The following CNOT6L variants were observed in gnomAD, a reference collection of about 807,000 sequenced individuals.
CNOT6L encodes the protein CCR4-NOT transcription complex subunit 6 like.
CNOT6L carries 7 observed loss-of-function variants against 64.0 expected under a neutral mutation model. The observed-to-expected ratio is 0.11, with a 90% CI of 0.06 to 0.21. The LOEUF is 0.21. Among genes scored for constraint, CNOT6L ranks in the 10% least tolerant of loss-of-function variants. CNOT6L has a pLI of 1.00. For synonymous variants in CNOT6L, 193 were observed against 243.4 expected, an observed-to-expected ratio of 0.79 and a Z score of 1.93; for missense variants, 245 against 669.0, an observed-to-expected ratio of 0.37 and a Z score of 6.99.
intron 4 of CNOT6L, among the ~76,000 whole-genome samples, chr4:77,772,042 G>A (rs551295487): frequency 2.0e-5 from 3 of 152,282 alleles, no homozygotes; most frequent in Middle Eastern, 3.4e-3. Flanking sequence ...CAAATTAACT[G>A]AGAAAGATGG....
intron 6 of CNOT6L, among the ~76,000 whole-genome samples, chr4:77,745,411 A>G (rs1724077413): frequency 2.6e-5 from 4 of 152,292 alleles, no homozygotes; most frequent in African/African-American, 9.6e-5. Flanking sequence ...ATGTCCTTTA[A>G]CTATAAAAAG....
chr4:77,774,740 TAA>T, intron 2 of CNOT6L, 24 bp from the exon 3 acceptor site: 1 of 1,453,596 alleles, frequency 6.9e-7, no homozygotes, highest in Admixed American at 2.7e-5. Context: ...TACTGAAGTG[TAA>T]AAAAAAACCC....
intron 4 of CNOT6L, among the ~76,000 whole-genome samples, chr4:77,758,553 T>C (rs949372467): frequency 1.3e-5 from 2 of 152,226 alleles, no homozygotes; most frequent in African/African-American, 4.8e-5. Context: ...ATTGAGGTTA[T>C]AGGACAAACT....
intron 1 of CNOT6L, among the ~76,000 whole-genome samples, chr4:77,798,602 C>T (rs1480434863): frequency 6.6e-6 from 1 of 152,122 alleles, no homozygotes; most frequent in African/African-American, 2.4e-5. Flanking sequence ...TTTTAAAAAA[C>T]CGAGCCAAGA....
At chr4:77,783,346 G>A (rs1405703682) in intron 1 of CNOT6L, among the ~76,000 whole-genome samples, 1 of 152,152 alleles carries the variant, frequency 6.6e-6, no homozygotes, top group Non-Finnish European at 1.5e-5. Context: ...TGAACAAGTT[G>A]GACATTGTCC....
intron 1 of CNOT6L, among the ~76,000 whole-genome samples, chr4:77,786,962 A>G (rs1443498776): frequency 1.3e-5 from 2 of 152,078 alleles, no homozygotes; most frequent in South Asian, 2.1e-4. Flanking sequence ...TTTGCCATCC[A>G]TAAGAGTCTA....
intron 1 of CNOT6L, among the ~76,000 whole-genome samples, chr4:77,810,490 C>T (rs1201278637): frequency 5.9e-5 from 9 of 152,064 alleles, no homozygotes; most frequent in Admixed American, 5.2e-4. Flanking sequence ...CCCAATATGG[C>T]AAAGGTTTGC....
chr4:77,814,557 C>T (rs1004429199), intron 1 of CNOT6L, among the ~76,000 whole-genome samples: 1 of 152,144 alleles, frequency 6.6e-6, no homozygotes, highest in Non-Finnish European at 1.5e-5. Flanking sequence ...AACTATAAGC[C>T]TCTACATCTT....
intron 1 of CNOT6L, among the ~76,000 whole-genome samples, chr4:77,809,845 A>G (rs1370838027): frequency 3.3e-5 from 5 of 152,136 alleles, no homozygotes; most frequent in Admixed American, 6.5e-5. Flanking sequence ...TCTCTCTGCA[A>G]AAGATGAATA....
intron 9 of CNOT6L, among the ~76,000 whole-genome samples, chr4:77,729,786 CT>C (rs1722242466): frequency 6.6e-6 from 1 of 151,184 alleles, no homozygotes; most frequent in Non-Finnish European, 1.5e-5. Context: ...TTTTTTAATT[CT>C]GTTAAAATAA....
chr4:77,818,764 C>G (rs1733872303), intron 1 of CNOT6L, among the ~76,000 whole-genome samples: 1 of 151,966 alleles, frequency 6.6e-6, no homozygotes, highest in African/African-American at 2.4e-5. Flanking sequence ...CTCGCGCGGG[C>G]TCGCCGTCCC....
chr4:77,722,490 G>A (rs149193577), intron 11 of CNOT6L, among the ~76,000 whole-genome samples: 66 of 152,222 alleles, frequency 4.3e-4, no homozygotes, highest in Non-Finnish European at 8.1e-4. Flanking sequence ...TTTAACCTGG[G>A]AGGCAGAGGT....
intron 1 of CNOT6L, among the ~76,000 whole-genome samples, chr4:77,813,064 T>G (rs1427717169): frequency 1.3e-5 from 2 of 151,970 alleles, no homozygotes; most frequent in Non-Finnish European, 2.9e-5. Flanking sequence ...TTAATTAATT[T>G]TGGACAGGGG....
chr4:77,811,916 T>C (rs577759397), intron 1 of CNOT6L, among the ~76,000 whole-genome samples: 191 of 151,624 alleles, frequency 1.3e-3, no homozygotes, highest in South Asian at 0.01. Flanking sequence ...ATCTACTTAA[T>C]GGCAGAAGAT....
At chr4:77,767,062 CAAAAAAAAAAAAA>C (rs56926683) in intron 4 of CNOT6L, among the ~76,000 whole-genome samples, 1 of 25,966 alleles carries the variant, frequency 3.9e-5, no homozygotes, top group Non-Finnish European at 7.0e-5. Context: ...AACTCCGTCT[CAAAAAAAAAAAAA>C]AAAAAAAAAA....
chr4:77,737,402 C>G (rs1349094023), intron 8 of CNOT6L, among the ~76,000 whole-genome samples: 4 of 134,334 alleles, frequency 3.0e-5, no homozygotes, highest in Non-Finnish European at 1.5e-5. Flanking sequence ...ATATTTGTAC[C>G]GTTCTTTTTT....
chr4:77,717,607 A>G lies in CNOT6L; in HGVS notation c.*2824T>C, dbSNP rs1249668497. ...ACTTTCATTGAATATATATATATAT[A>G]TGTCATTCACCTCTTCCTTTTGGCT... On this transcript the variant is annotated 3_prime_UTR_variant, in exon 12 of 12. Transcript: ENST00000504123. 2 of 152,356 alleles carry G rather than the reference A, an allele frequency of 1.3e-5. No individual in the cohort carries two copies. Among genetic ancestry groups the G allele is most frequent in the Admixed American group, 6.6e-5 (1 of 15,224 alleles). The allele number at this position is 152,356 out of a possible 1,614,324, so 9.4% of individuals were successfully genotyped here. A position where few individuals can be genotyped will look rare whatever the true frequency, so the allele number is the denominator to read the frequency against.
chr4:77,794,151 A>C (rs902743596), intron 1 of CNOT6L, among the ~76,000 whole-genome samples: 1 of 14,566 alleles, frequency 6.9e-5, no homozygotes, highest in African/African-American at 2.0e-4. Context: ...ACTCTGTCTC[A>C]AAAAAAAAAA....
chr4:77,793,150 CA>C (rs1167124875), intron 1 of CNOT6L, among the ~76,000 whole-genome samples: 1 of 151,882 alleles, frequency 6.6e-6, no homozygotes, highest in Non-Finnish European at 1.5e-5. Context: ...AAGTACCATG[CA>C]AAGAAATCAT....
Sources: allele counts gnomAD v4.1 joint callset (sites outside exome capture counted in the v4.1 genomes callset), GRCh38; gene constraint gnomAD v4.1.1; transcripts MANE v1.5; gene names NCBI Gene and HGNC (gene_info 2026-07-23, HGNC 2026-07-21).